Variants in EGLN3 observed in about 807,000 individuals in gnomAD.
EGLN3 encodes prolyl hydroxylase EGLN3.
A neutral mutation model predicts 26.0 loss-of-function variants in EGLN3; 15 were observed. That is an observed-to-expected ratio of 0.58 (90% CI 0.39 to 0.89). The LOEUF is 0.89. Among genes scored for constraint, EGLN3 ranks in the 40% least tolerant of loss-of-function variants. The probability of loss-of-function intolerance (pLI) is 0.00; values close to 1 mark genes in which losing one functional copy is unlikely to be tolerated. For synonymous variants in EGLN3, 147 were observed against 127.2 expected, an observed-to-expected ratio of 1.16 and a Z score of -1.05; for missense variants, 238 against 311.6, an observed-to-expected ratio of 0.76 and a Z score of 1.78.
chr14:33,950,951 A>G lies in EGLN3; in HGVS notation c.-199T>C. 1.6e-6 allele frequency: 1 copy of G among 608,032 alleles called. No homozygotes were observed. The highest frequency in any genetic ancestry group is 2.8e-5 in the East Asian group (1 of 36,166). 37.7% of individuals were successfully genotyped at this position (608,032 alleles called of 1,614,324 possible). ...CGGGAGAAGGGATCTGCCTTCGGGA[A>G]CCAGCGGGAGTGGTGCGGAGCTCCA... is the stretch of plus-strand genomic sequence containing the variant. On this transcript the variant is annotated 5_prime_UTR_variant, in exon 1 of 5. Transcript: ENST00000250457.
At chr14:33,926,921 A>C (rs1163489910) in intron 4 of EGLN3, 39 bp downstream of exon 4, 1 of 1,458,122 alleles carries the variant, frequency 6.9e-7, no homozygotes, top group Non-Finnish European at 9.5e-7. Flanking sequence ...GTCAAGGATT[A>C]ACTTGATCAA....
intron 1 of EGLN3, among the ~76,000 whole-genome samples, chr14:33,945,572 C>A (rs1217132221): frequency 1.3e-5 from 2 of 152,272 alleles, no homozygotes; most frequent in Non-Finnish European, 2.9e-5. Context: ...GGGAAGGCAG[C>A]AAAAGCTGGA....
chr14:33,927,155 T>TGA (rs2064367772), intron 3 of EGLN3, 122 bp from the exon 4 acceptor site: 1 of 193,350 alleles, frequency 5.2e-6, no homozygotes, highest in Non-Finnish European at 9.9e-6. Flanking sequence ...CTACCCTGAT[T>TGA]TATTTATTTA....
chr14:33,937,853 A>G (rs2064453278), intron 1 of EGLN3, among the ~76,000 whole-genome samples: 1 of 152,194 alleles, frequency 6.6e-6, no homozygotes, highest in Non-Finnish European at 1.5e-5. Context: ...AATAAAAAAT[A>G]AGAAGTAATA....
At chr14:33,934,318 A>G (rs1744216581) in intron 1 of EGLN3, among the ~76,000 whole-genome samples, 1 of 152,176 alleles carries the variant, frequency 6.6e-6, no homozygotes, top group South Asian at 2.1e-4. Flanking sequence ...CCATGTCCAG[A>G]CAACAAACGT....
At chr14:33,931,037 T>C in intron 2 of EGLN3, 59 bp downstream of exon 2, 1 of 1,603,752 alleles carries the variant, frequency 6.2e-7, no homozygotes, top group African/African-American at 1.3e-5. Context: ...CTCTAAGTTA[T>C]CTGAATCATT....
At chr14:33,927,388 C>T (rs892823346) in intron 3 of EGLN3, among the ~76,000 whole-genome samples, 6 of 151,978 alleles carry the variant, frequency 3.9e-5, no homozygotes, top group South Asian at 2.1e-4. Context: ...AGGATGGTCT[C>T]GATCTCTTGA....
intron 1 of EGLN3, among the ~76,000 whole-genome samples, chr14:33,938,870 T>C (rs1292343324): frequency 1.3e-5 from 2 of 152,236 alleles, no homozygotes; most frequent in African/African-American, 4.8e-5. Context: ...TCATTAACCC[T>C]AGAAGTTACC....
intron 1 of EGLN3, among the ~76,000 whole-genome samples, chr14:33,946,044 C>T (rs1306611453): frequency 6.6e-6 from 1 of 152,160 alleles, no homozygotes. Context: ...GGTCAGGAAT[C>T]CTACGAACAA....
chr14:33,939,076 AACTTAATCCTAAAGT>A (rs762826258), intron 1 of EGLN3, among the ~76,000 whole-genome samples: 2 of 152,236 alleles, frequency 1.3e-5, no homozygotes, highest in Non-Finnish European at 2.9e-5. Flanking sequence ...TTTTCATCTG[AACTTAATCCTAAAGT>A]ACTTAAAGAA....
At chr14:33,930,015 G>A (rs2064390596) in intron 2 of EGLN3, among the ~76,000 whole-genome samples, 2 of 152,080 alleles carry the variant, frequency 1.3e-5, no homozygotes, top group South Asian at 4.1e-4. Flanking sequence ...CACCTTTTAT[G>A]ACATACACCA....
intron 1 of EGLN3, chr14:33,949,937 C>T (rs1213821032): frequency 7.9e-6 from 2 of 252,614 alleles, no homozygotes; most frequent in African/African-American, 2.2e-5. Context: ...TCACAACTGC[C>T]TCCAGAATTC....
intron 1 of EGLN3, among the ~76,000 whole-genome samples, chr14:33,946,233 G>A (rs767445578): frequency 4.6e-5 from 7 of 152,084 alleles, no homozygotes; most frequent in Non-Finnish European, 7.4e-5. Context: ...AAAATTAGCC[G>A]GGCATGGTGG....
At chr14:33,928,315 C>T (rs1488128827) in intron 3 of EGLN3, among the ~76,000 whole-genome samples, 1 of 152,118 alleles carries the variant, frequency 6.6e-6, no homozygotes, top group East Asian at 1.9e-4. Context: ...AATCATCATC[C>T]TACCAAAATT....
At chr14:33,941,936 G>C (rs1000603036) in intron 1 of EGLN3, among the ~76,000 whole-genome samples, 2 of 152,216 alleles carry the variant, frequency 1.3e-5, no homozygotes, top group African/African-American at 2.4e-5. Context: ...GGGAGGAAAG[G>C]AAGGCAGTGG....
intron 3 of EGLN3, among the ~76,000 whole-genome samples, chr14:33,928,366 C>T (rs1354425408): frequency 6.6e-6 from 1 of 152,158 alleles, no homozygotes; most frequent in East Asian, 1.9e-4. Flanking sequence ...GTATAAGCTG[C>T]ACTCCATAGC....
At chr14:33,941,762 T>C (rs555483453) in intron 1 of EGLN3, among the ~76,000 whole-genome samples, 1 of 152,102 alleles carries the variant, frequency 6.6e-6, no homozygotes, top group Non-Finnish European at 1.5e-5. Flanking sequence ...AATAAATCCA[T>C]GTACTGGGCA....
At chr14:33,940,956 G>C (rs1185624679) in intron 1 of EGLN3, among the ~76,000 whole-genome samples, 1 of 152,250 alleles carries the variant, frequency 6.6e-6, no homozygotes, top group South Asian at 2.1e-4. Flanking sequence ...ATGTCGGTGC[G>C]AGTCTGCTCT....
chr14:33,935,670 T>C (rs561894373), intron 1 of EGLN3, among the ~76,000 whole-genome samples: 21 of 152,204 alleles, frequency 1.4e-4, no homozygotes, highest in African/African-American at 4.6e-4. Context: ...GAGATCACTG[T>C]GTGAGGACTT....
Sources: gnomAD v4.1 joint callset for allele counts (sites outside exome capture counted in the v4.1 genomes callset) on GRCh38, gnomAD v4.1.1 for gene constraint, MANE v1.5 for transcripts, NCBI Gene and HGNC (gene_info 2026-07-23, HGNC 2026-07-21) for gene names.